Variants in USE1 observed in about 807,000 individuals in gnomAD.
USE1 encodes vesicle transport protein USE1.
Under a neutral mutation model 37.6 loss-of-function variants are expected in USE1, and 32 were observed. That is an observed-to-expected ratio of 0.85 (90% CI 0.64 to 1.14). USE1 has a LOEUF of 1.14. Ranked by LOEUF, USE1 falls within the 50% of genes most tolerant of loss-of-function variation. The pLI is 0.00. For synonymous variants in USE1, 149 were observed against 137.6 expected (o/e 1.08, Z -0.58); for missense variants, 310 against 332.2 (o/e 0.93, Z 0.52).
intron 3 of USE1, 47 bp downstream of exon 3, chr19:17,216,117 T>G: frequency 3.7e-6 from 6 of 1,613,488 alleles, no homozygotes; most frequent in Non-Finnish European, 5.1e-6. Flanking sequence ...ACCGCTCACT[T>G]TGGTCCCCAG....
intron 6 of USE1, 37 bp downstream of exon 6, chr19:17,218,428 G>C (rs1271920509): frequency 1.9e-6 from 3 of 1,613,354 alleles, no homozygotes; most frequent in Non-Finnish European, 8.5e-7. Context: ...AGTGGCAATT[G>C]GGCGGTGCGG....
In USE1 at chr19:17,216,026, TG is replaced by T; in HGVS notation, c.189del (p.Trp63Ter). The T allele has an allele frequency of 3.7e-6, 6 of 1,610,242 alleles. No individual in the cohort carries two copies. Among genetic ancestry groups the T allele is most frequent in the Non-Finnish European group, 5.1e-6 (6 of 1,178,348 alleles). On this transcript the variant is annotated frameshift_variant, in exon 3 of 8. Coordinates refer to ENST00000263897, the MANE Select transcript of USE1 (RefSeq NM_018467.4). LOFTEE classifies it high-confidence loss of function. Reference sequence around the variant, plus strand: ...CTCTGAGGTGATCAATGAATATTCCTGGAAGGTGGATTTTCTGAAGGGGATG... The same window carrying T: ...CTCTGAGGTGATCAATGAATATTCCTGAAGGTGGATTTTCTGAAGGGGATG... The part of the protein sequence containing the change: ...PASEVINEYS[W>X]KVDFLKGMLQ...
Position 17,219,743 on chromosome 19 carries a change from T to C in USE1, c.710T>C (p.Met237Thr), listed in dbSNP as rs1458457661. 6.2e-7 allele frequency: 1 copy of C among 1,612,958 alleles called. No individual in the cohort carries two copies. The highest frequency in any genetic ancestry group is 1.7e-5 in the Admixed American group (1 of 59,996). Reference sequence around the variant, plus strand: ...TCAGTCAACTGGCTGCTCTGGGCCATGCTCATTATCGTCTGCTTCATCTTC... The same window carrying C: ...TCAGTCAACTGGCTGCTCTGGGCCACGCTCATTATCGTCTGCTTCATCTTC... Reference protein sequence around the residue: ...QKSVNWLLWAMLIIVCFIFIS... With the variant: ...QKSVNWLLWATLIIVCFIFIS... Residue 237 changes from methionine to threonine, a missense_variant, in exon 8 of 8, where the codon ATG becomes ACG. Physicochemically the swap from Met to Thr is moderately conservative, Grantham distance 81. Transcript: ENST00000263897.
At chr19:17,218,085 A>G (rs887352612) in intron 5 of USE1, 11 of 407,450 alleles carry the variant, frequency 2.7e-5, no homozygotes, top group African/African-American at 2.3e-4. Flanking sequence ...CTCTGTCTCA[A>G]AAATAAGCAA....
chr19:17,215,448 T>A lies in USE1; in HGVS notation c.43T>A (p.Ser15Thr). ...RLELNLVRLLSRCEAMAAEKR... is the reference protein window; with the variant it reads ...RLELNLVRLLTRCEAMAAEKR... Reference sequence around the variant, plus strand: ...GGAGCTAAACCTGGTGCGGCTGCTATCCCGCTGCGAGGCGATGGCAGCGGA... The same window carrying A: ...GGAGCTAAACCTGGTGCGGCTGCTAACCCGCTGCGAGGCGATGGCAGCGGA... The change falls in exon 1 of 8, where the codon TCC becomes ACC. Residue 15 changes from serine to threonine, a missense_variant. Physicochemically the swap from Ser to Thr is moderately conservative, Grantham distance 58. Coordinates refer to ENST00000263897, the MANE Select transcript of USE1 (RefSeq NM_018467.4). The A allele has an allele frequency of 6.4e-7, 1 of 1,563,252 alleles. No homozygotes were observed. Among genetic ancestry groups the A allele is most frequent in the Middle Eastern group, 1.7e-4 (1 of 5,924 alleles).
At position 17,219,714 on chromosome 19, in the gene USE1, G is replaced by A; in HGVS notation, c.681G>A (p.Gln227=). 1 of 1,613,654 alleles carries A rather than the reference G, an allele frequency of 6.2e-7. No individual in the cohort carries two copies. The highest frequency in any genetic ancestry group is 1.7e-5 in the Admixed American group (1 of 60,022). Reference sequence around the variant, plus strand: ...CAGAGCGTCTGGAGCAGCACACGCAGAAGTCAGTCAACTGGCTGCTCTGGG... The same window carrying A: ...CAGAGCGTCTGGAGCAGCACACGCAAAAGTCAGTCAACTGGCTGCTCTGGG... The part of the protein sequence containing the change: ...TESERLEQHT[Q]KSVNWLLWAM... The change falls in exon 8 of 8, where the codon CAG becomes CAA. Residue 227 remains glutamine (Q), a synonymous_variant. Coordinates refer to ENST00000263897, the MANE Select transcript of USE1 (RefSeq NM_018467.4).
chr19:17,215,570 A>C lies in USE1; in HGVS notation c.102+63A>C. 8.5e-6 allele frequency: 13 copies of C among 1,530,234 alleles called. No homozygotes were observed. In the South Asian group the frequency reaches 1.6e-4, roughly 18 times the overall value. 94.8% of individuals were successfully genotyped at this position (1,530,234 alleles called of 1,614,324 possible). A position where few individuals can be genotyped will look rare whatever the true frequency, so the allele number is the denominator to read the frequency against. On this transcript the variant is annotated intron_variant, in intron 1 of 7. Coordinates refer to ENST00000263897, the MANE Select transcript of USE1 (RefSeq NM_018467.4). ...CCGGGGGGTGATTCCTAGGGTTGGA[A>C]GCCACCTGGCCCGACTCCCCGGCCC... is the stretch of plus-strand genomic sequence containing the variant.
intron 5 of USE1, chr19:17,217,699 G>T: frequency 3.5e-6 from 2 of 577,736 alleles, no homozygotes; most frequent in East Asian, 4.1e-5. Context: ...ATCACCTGAG[G>T]TCAGGAGTTT....
Position 17,219,233 on chromosome 19 carries a change from CAGTG to C in USE1, c.450_453del (p.Ser150ArgfsTer8), listed in dbSNP as rs1311044360. The C allele has an allele frequency of 6.2e-7, 1 of 1,613,670 alleles. No homozygotes were observed. Among genetic ancestry groups the C allele is most frequent in the East Asian group, 2.2e-5 (1 of 44,882 alleles). On this transcript the variant is annotated frameshift_variant, in exon 7 of 8. Coordinates refer to ENST00000263897, the MANE Select transcript of USE1 (RefSeq NM_018467.4). LOFTEE classifies it high-confidence loss of function. The stretch of plus-strand genomic sequence containing the variant: ...ATCAGTGGAGTGGCAGGGTCCCAGC[CAGTG>C]AGTGAGAAGCAGTTGGCAGCTGAGC...
At position 17,216,225 on chromosome 19, in the gene USE1, A is replaced by C; in HGVS notation, c.288A>C (p.Pro96=). 6.2e-7 allele frequency: 1 copy of C among 1,612,898 alleles called. No individual in the cohort carries two copies. Among genetic ancestry groups the C allele is most frequent in the South Asian group, 1.1e-5 (1 of 91,082 alleles). ...ANQFLAPGRV[P]TTARERVPAT... ...AGTTCCTGGCCCCTGGCCGTGTGCC[A>C]ACCACAGCCAGAGAGCGAGTGCCCG... Residue 96 remains proline, a synonymous_variant, in exon 4 of 8, where the codon CCA becomes CCC. Transcript: ENST00000263897.
rs1484206735 is a variant in USE1 at position 17,215,475 on chromosome 19, A to G, written c.70A>G (p.Lys24Glu). 1.9e-6 allele frequency: 3 copies of G among 1,564,454 alleles called. No homozygotes were observed. The highest frequency in any genetic ancestry group is 2.6e-6 in the Non-Finnish European group (3 of 1,156,102). ...LSRCEAMAAE[K>E]RDPDEWRLEK... ...CCGCTGCGAGGCGATGGCAGCGGAG[A>G]AACGGGACCCGGACGAGTGGCGCCT... The change falls in exon 1 of 8, where the codon AAA becomes GAA. Residue 24 changes from lysine to glutamate, a missense_variant. Lys to Glu is a moderately conservative substitution (Grantham distance 56). Coordinates refer to ENST00000263897, the MANE Select transcript of USE1 (RefSeq NM_018467.4).
At chr19:17,215,772 C>T (rs2145543648) in intron 1 of USE1, 30 bp from the exon 2 acceptor site, 2 of 1,601,082 alleles carry the variant, frequency 1.2e-6, no homozygotes, top group South Asian at 2.3e-5. Context: ...GGGAAAGACC[C>T]CCGGGTGACA....
At chr19:17,218,983 T>A (rs1381264901) in intron 6 of USE1, among the ~76,000 whole-genome samples, 4 of 146,376 alleles carry the variant, frequency 2.7e-5, no homozygotes, top group Non-Finnish European at 6.0e-5. Context: ...AAAAATTAGC[T>A]GTGCATGGTG....
Position 17,215,807 on chromosome 19 carries a change from G to C in USE1, c.108G>C (p.Val36=), listed in dbSNP as rs1236491776. 2.5e-6 allele frequency: 4 copies of C among 1,609,642 alleles called. No individual in the cohort carries two copies. The South Asian group carries it at 4.4e-5, about 18-fold the overall frequency. Residue 36 remains valine, a synonymous_variant, in exon 2 of 8, where the codon GTG becomes GTC. Coordinates refer to ENST00000263897, the MANE Select transcript of USE1 (RefSeq NM_018467.4). ...DPDEWRLEKY[V]GALEDMLQAL... is the part of the protein sequence containing the mutation. ...AATCCACTTTTCCTCCCCAGTACGT[G>C]GGAGCCCTAGAGGACATGTTGCAGG...
At position 17,219,352 on chromosome 19, in the gene USE1, C is replaced by T. The variant is rs1250091512; in HGVS notation, c.562C>T (p.Leu188=). The change falls in exon 7 of 8, where the codon CTG becomes TTG. Residue 188 remains leucine (L), a synonymous_variant. Coordinates refer to ENST00000263897, the MANE Select transcript of USE1 (RefSeq NM_018467.4). ...GGCCCGGAGCCTCAAGACCAATACC[C>T]TGGCCGCCCAGAGTGTCATCAAGAA... ...GLARSLKTNT[L]AAQSVIKKDN... 6.3e-7 allele frequency: 1 copy of T among 1,575,820 alleles called. No homozygotes were observed. The highest frequency in any genetic ancestry group is 8.6e-7 in the Non-Finnish European group (1 of 1,160,672).
At chr19:17,215,543 T>G (rs1168975834) in intron 1 of USE1, 36 bp downstream of exon 1, 1 of 1,545,550 alleles carries the variant, frequency 6.5e-7, no homozygotes, top group East Asian at 2.4e-5. Flanking sequence ...AGAGCCCGAC[T>G]CCCGGGGGGT....
In USE1 at chr19:17,219,730, C is replaced by G. The variant is rs2073313691; in HGVS notation, c.697C>G (p.Leu233Val). Residue 233 changes from leucine (L) to valine (V), a missense_variant, in exon 8 of 8, where the codon CTG (leucine) becomes GTG (valine). Leu to Val is a conservative substitution (Grantham distance 32, BLOSUM62 1). Coordinates refer to ENST00000263897, the MANE Select transcript of USE1 (RefSeq NM_018467.4). ...GCACACGCAGAAGTCAGTCAACTGG[C>G]TGCTCTGGGCCATGCTCATTATCGT... ...EQHTQKSVNW[L>V]LWAMLIIVCF... The G allele has an allele frequency of 6.2e-7, 1 of 1,613,402 alleles. No individual in the cohort carries two copies. Among genetic ancestry groups the G allele is most frequent in the Non-Finnish European group, 8.5e-7 (1 of 1,179,466 alleles).
At chr19:17,218,475 C>T (rs367900823) in intron 6 of USE1, 84 bp downstream of exon 6, 68 of 1,560,456 alleles carry the variant, frequency 4.4e-5, no homozygotes, top group African/African-American at 1.4e-4. Context: ...CCTGGACCAC[C>T]GAGGCACTAC....
At position 17,218,351 on chromosome 19, in the gene USE1, G is replaced by C. The variant is rs771714608; in HGVS notation, c.395-13G>C. The C allele has an allele frequency of 1.8e-5, 29 of 1,613,474 alleles. No homozygotes were observed. The South Asian group carries it at 3.2e-4, about 18-fold the overall frequency. On this transcript the variant is annotated splice_polypyrimidine_tract_variant and intron_variant, in intron 5 of 7. Transcript: ENST00000263897. ...AACACTCGCCTTTTTTGCTTGGCCTGTTTTGCTTTCAGAGCCTGAGATGGA... is the reference window on the plus strand; with the variant it reads ...AACACTCGCCTTTTTTGCTTGGCCTCTTTTGCTTTCAGAGCCTGAGATGGA...
Sources: allele counts gnomAD v4.1 joint callset (sites outside exome capture counted in the v4.1 genomes callset), GRCh38; gene constraint gnomAD v4.1.1; transcripts MANE v1.5; gene names NCBI Gene and HGNC (gene_info 2026-07-23, HGNC 2026-07-21).